Variants in GLIS1 observed in about 807,000 individuals in gnomAD.
GLIS1 encodes the protein zinc finger protein GLIS1.
In GLIS1, 24 loss-of-function variants were observed where a neutral mutation model predicts 63.8. The ratio of observed to expected loss-of-function variants is 0.38; its 90% confidence interval spans 0.27 to 0.53. The LOEUF (loss-of-function observed/expected upper bound fraction) is 0.53, where lower values mean the gene tolerates loss of function less well. GLIS1 is among the 20% of genes least tolerant of loss of function. GLIS1 has a pLI of 0.85. For missense variants in GLIS1, 1,036 were observed against 1,074.1 expected (o/e 0.96, Z 0.50); for synonymous variants, 450 against 482.5 (o/e 0.93, Z 0.88).
At chr1:53,675,023 C>T (rs1227110579) in intron 2 of GLIS1, among the ~76,000 whole-genome samples, 3 of 152,194 alleles carry the variant, frequency 2.0e-5, no homozygotes, top group East Asian at 1.9e-4. Context: ...TGCACACACT[C>T]GGTGAATTCA....
At chr1:53,690,068 T>C (rs1646385640) in intron 2 of GLIS1, among the ~76,000 whole-genome samples, 1 of 152,244 alleles carries the variant, frequency 6.6e-6, no homozygotes, top group East Asian at 1.9e-4. Flanking sequence ...ATCTGATACC[T>C]GGTGGCCTGC....
intron 2 of GLIS1, among the ~76,000 whole-genome samples, chr1:53,683,171 C>CA (rs11454154): frequency 0.22 from 33,721 of 152,074 alleles, 3,788 homozygotes; most frequent in East Asian, 0.3. Flanking sequence ...CCACTTCTGG[C>CA]AGACACATTC....
chr1:53,558,430 C>G (rs1239690388), intron 4 of GLIS1, among the ~76,000 whole-genome samples: 1 of 152,220 alleles, frequency 6.6e-6, no homozygotes, highest in Non-Finnish European at 1.5e-5. Context: ...CCTGGGCAAC[C>G]TTTCCAGTCG....
intron 2 of GLIS1, among the ~76,000 whole-genome samples, chr1:53,689,667 T>C (rs1030317093): frequency 1.3e-5 from 2 of 152,154 alleles, no homozygotes; most frequent in African/African-American, 4.8e-5. Flanking sequence ...ACCAATGCCC[T>C]GTGTGATGCT....
chr1:53,639,426 G>A lies in GLIS1; in HGVS notation c.260-39148C>T, dbSNP rs955564424. ...TGGACTGAGCCGCCACTCTGAGAAC[G>A]CCTGTCCCTCTCGGGGCTGGCAGGA... On this transcript the variant is annotated intron_variant, in intron 2 of 10. Transcript: ENST00000628545. This position sits in a 1 kb window ranked among gnomAD's most constrained non-coding sequence, Gnocchi z 4.6. Among the ~76,000 whole-genome samples the A allele has an allele frequency of 1.8e-4, 27 of 152,116 alleles. No individual in the cohort carries two copies. The highest frequency in any genetic ancestry group is 6.8e-3 in the Middle Eastern group (2 of 294).
chr1:53,687,706 C>T (rs1212129088), intron 2 of GLIS1, among the ~76,000 whole-genome samples: 1 of 152,204 alleles, frequency 6.6e-6, no homozygotes, highest in African/African-American at 2.4e-5. Flanking sequence ...AGCATCTAGC[C>T]ACCTCCTTCA....
At chr1:53,633,202 GTGAC>G (rs1286742801) in intron 2 of GLIS1, among the ~76,000 whole-genome samples, 3 of 149,350 alleles carry the variant, frequency 2.0e-5, no homozygotes, top group South Asian at 2.2e-4. Flanking sequence ...AGGTGTGAAT[GTGAC>G]TGAGGAGTGT....
chr1:53,534,419 T>G (rs1274368235), intron 4 of GLIS1, among the ~76,000 whole-genome samples: 1 of 152,010 alleles, frequency 6.6e-6, no homozygotes, highest in Non-Finnish European at 1.5e-5. Context: ...GACACCTGCT[T>G]CCTGCTGCCA....
At chr1:53,520,366 G>C (rs778506106) in intron 7 of GLIS1, among the ~76,000 whole-genome samples, 2 of 152,252 alleles carry the variant, frequency 1.3e-5, no homozygotes, top group African/African-American at 2.4e-5. Context: ...TGAAGGCCAG[G>C]CTGAGACGGG....
chr1:53,692,397 A>G (rs1208210584), intron 2 of GLIS1, among the ~76,000 whole-genome samples: 2 of 152,226 alleles, frequency 1.3e-5, no homozygotes, highest in African/African-American at 2.4e-5. Flanking sequence ...ATGTGCATGG[A>G]AAGAATGTGG....
chr1:53,604,932 G>GTA (rs1553128443), intron 2 of GLIS1, among the ~76,000 whole-genome samples: 5,523 of 36,150 alleles, frequency 0.15, 355 homozygotes, highest in Middle Eastern at 0.24. Context: ...GTGTGTGTGT[G>GTA]TATATATATA....
chr1:53,656,985 G>C (rs1298833779), intron 2 of GLIS1, among the ~76,000 whole-genome samples: 2 of 151,252 alleles, frequency 1.3e-5, no homozygotes, highest in East Asian at 3.9e-4. Context: ...GTGCAGGAGA[G>C]AGGAACACAA....
intron 4 of GLIS1, among the ~76,000 whole-genome samples, chr1:53,555,960 G>A (rs1437536105): frequency 1.5e-5 from 2 of 136,470 alleles, no homozygotes; most frequent in African/African-American, 5.2e-5. Context: ...CTGCAGGTAT[G>A]TGTGTGTGCA....
At chr1:53,630,546 A>G (rs1159275878) in intron 2 of GLIS1, among the ~76,000 whole-genome samples, 4 of 150,906 alleles carry the variant, frequency 2.7e-5, no homozygotes, top group African/African-American at 4.9e-5. Context: ...CCCAGGCTGG[A>G]GTGCAATGGC....
At position 53,509,229 on chromosome 1, in the gene GLIS1, C is replaced by A; in HGVS notation, c.2121G>T (p.Arg707=). Residue 707 remains arginine (R), a synonymous_variant, in exon 10 of 11, where the codon CGG becomes CGT. Transcript: ENST00000628545. ...QSCFPYGDCY[R]MAEPAAGGDG... The stretch of plus-strand genomic sequence containing the variant: ...CCCCACCGGCTGCTGGTTCAGCCAT[C>A]CGGTAGCAGTCGCCATAGGGGAAGC... The A allele has an allele frequency of 6.3e-7, 1 of 1,596,278 alleles. No homozygotes were observed. The highest frequency in any genetic ancestry group is 8.5e-7 in the Non-Finnish European group (1 of 1,171,812).
intron 2 of GLIS1, among the ~76,000 whole-genome samples, chr1:53,663,135 C>T (rs1403555039): frequency 6.6e-6 from 1 of 152,236 alleles, no homozygotes; most frequent in African/African-American, 2.4e-5. Context: ...ACTGCCACCA[C>T]CCTAGTCCAG....
chr1:53,506,697 G>A lies in GLIS1; in HGVS notation c.2310C>T (p.Pro770=), dbSNP rs776385101. The A allele has an allele frequency of 3.4e-5, 55 of 1,613,368 alleles. 1 individual carries two copies. Among genetic ancestry groups the A allele is most frequent in the South Asian group, 1.2e-4 (11 of 91,088 alleles). The change falls in exon 11 of 11, where the codon CCC becomes CCT. Residue 770 remains proline (P), a synonymous_variant. Coordinates refer to ENST00000628545, the MANE Select transcript of GLIS1 (RefSeq NM_001367484.1). ...CATTGGGGAAGAAGCCACAGTCCTC[G>A]GGGCCGCTGGACACCACATCTTCAG... The part of the protein sequence containing the change: ...QPSEDVVSSG[P]EDCGFFPNGA...
At chr1:53,591,472 G>A (rs1420933811) in intron 4 of GLIS1, among the ~76,000 whole-genome samples, 2 of 152,232 alleles carry the variant, frequency 1.3e-5, no homozygotes, top group Admixed American at 1.3e-4. Flanking sequence ...ATGTAGGCTC[G>A]AGTCCCATTC....
intron 4 of GLIS1, among the ~76,000 whole-genome samples, chr1:53,576,547 C>A (rs1473601773): frequency 6.6e-6 from 1 of 152,146 alleles, no homozygotes; most frequent in Non-Finnish European, 1.5e-5. Context: ...ATCCACTGGG[C>A]CTCTCTGGCC....
Sources: gnomAD v4.1 joint callset for allele counts (sites outside exome capture counted in the v4.1 genomes callset) on GRCh38, gnomAD v4.1.1 for gene constraint, Gnocchi (gnomAD v3.1) non-coding constraint, MANE v1.5 for transcripts, NCBI Gene and HGNC (gene_info 2026-07-23, HGNC 2026-07-21) for gene names.